NR6A1: variants seen among roughly 807,000 people sequenced by gnomAD.
The protein encoded by NR6A1 is retinoic acid receptor-related testis-associated receptor.
A neutral mutation model predicts 59.1 loss-of-function variants in NR6A1; 7 were observed. That is an observed-to-expected ratio of 0.12 (90% CI 0.07 to 0.22). NR6A1 has a LOEUF of 0.22. NR6A1 is among the 10% of genes least tolerant of loss of function. The pLI, the probability that NR6A1 is intolerant of heterozygous loss-of-function variation, is 1.00. For synonymous variants in NR6A1, 243 were observed against 236.1 expected (o/e 1.03, Z -0.27); for missense variants, 468 against 611.6 (o/e 0.77, Z 2.48).
chr9:124,756,189 A>T (rs1349752393), intron 1 of NR6A1, among the ~76,000 whole-genome samples: 1 of 152,240 alleles, frequency 6.6e-6, no homozygotes, highest in Non-Finnish European at 1.5e-5. Flanking sequence ...CTATAAATTT[A>T]ACTCAAGACA....
chr9:124,666,275 C>CTTTTTTTTTTTT (rs922378385), intron 2 of NR6A1, among the ~76,000 whole-genome samples: 19 of 103,046 alleles, frequency 1.8e-4, no homozygotes, highest in African/African-American at 7.0e-4. Flanking sequence ...CTATGTGGTT[C>CTTTTTTTTTTTT]TTTTTTTTTT....
chr9:124,538,624 T>A (rs1040663404), intron 5 of NR6A1, among the ~76,000 whole-genome samples: 1 of 152,176 alleles, frequency 6.6e-6, no homozygotes. Context: ...GACAGTTTTT[T>A]AACAGATACT....
In NR6A1 at chr9:124,521,388, C is replaced by T. The variant is rs1832798917; in HGVS notation, c.*1317G>A. ...CCTTCCAGGTGCTTCTGGCTCCAGC[C>T]CTCCAGGCCTTGGCTGGCCAGTCCA... On this transcript the variant is annotated 3_prime_UTR_variant, in exon 10 of 10. Transcript: ENST00000487099. 6.6e-6 allele frequency: 1 copy of T among 152,450 alleles called. No homozygotes were observed. The highest frequency in any genetic ancestry group is 1.5e-5 in the Non-Finnish European group (1 of 68,262). 9.4% of individuals were successfully genotyped at this position (152,450 alleles called of 1,614,324 possible). A position where few individuals can be genotyped will look rare whatever the true frequency, so the allele number is the denominator to read the frequency against.
At chr9:124,714,518 T>C (rs533976483) in intron 2 of NR6A1, among the ~76,000 whole-genome samples, 27 of 152,334 alleles carry the variant, frequency 1.8e-4, no homozygotes, top group African/African-American at 6.5e-4. Flanking sequence ...ACTCTCACCA[T>C]TTCTATCTAT....
intron 1 of NR6A1, among the ~76,000 whole-genome samples, chr9:124,742,388 C>A (rs990115962): frequency 5.3e-5 from 8 of 151,682 alleles, no homozygotes; most frequent in African/African-American, 1.5e-4. Flanking sequence ...ATGGAGAAAC[C>A]CCGTCTCTAC....
intron 1 of NR6A1, among the ~76,000 whole-genome samples, chr9:124,768,722 A>C (rs1181378157): frequency 6.6e-6 from 1 of 152,262 alleles, no homozygotes; most frequent in African/African-American, 2.4e-5. Context: ...TCTGATTAAG[A>C]GTTAAAATTA....
intron 2 of NR6A1, among the ~76,000 whole-genome samples, chr9:124,573,967 C>T (rs1834521476): frequency 6.6e-6 from 1 of 152,130 alleles, no homozygotes; most frequent in Non-Finnish European, 1.5e-5. Flanking sequence ...GACATTTTTA[C>T]TCTATTTTCT....
chr9:124,697,402 AG>A (rs1447054470), intron 2 of NR6A1, among the ~76,000 whole-genome samples: 2 of 152,132 alleles, frequency 1.3e-5, no homozygotes, highest in East Asian at 3.9e-4. Context: ...GATAAAAGTA[AG>A]GTACTATGAG....
chr9:124,650,234 A>G (rs1006628068), intron 2 of NR6A1, among the ~76,000 whole-genome samples: 12 of 152,372 alleles, frequency 7.9e-5, no homozygotes, highest in African/African-American at 2.6e-4. Context: ...TAAAATGTGC[A>G]TAAGTACACA....
intron 2 of NR6A1, among the ~76,000 whole-genome samples, chr9:124,603,381 T>C (rs965291132): frequency 1.3e-5 from 2 of 152,200 alleles, no homozygotes; most frequent in African/African-American, 2.4e-5. Context: ...TTTCTAACTC[T>C]TTCATCTTAC....
intron 2 of NR6A1, among the ~76,000 whole-genome samples, chr9:124,623,735 G>C (rs1323542422): frequency 1.3e-5 from 2 of 152,124 alleles, no homozygotes; most frequent in South Asian, 2.1e-4. Flanking sequence ...AGGGAAGCCT[G>C]TTTTAGCTGT....
intron 2 of NR6A1, among the ~76,000 whole-genome samples, chr9:124,645,404 C>G (rs1836901688): frequency 6.6e-6 from 1 of 152,178 alleles, no homozygotes; most frequent in African/African-American, 2.4e-5. Flanking sequence ...AAGAAACCTA[C>G]TTTAAGTAGA....
At position 124,520,916 on chromosome 9, in the gene NR6A1, C is replaced by T. The variant is rs1393849683; in HGVS notation, c.*1789G>A. On this transcript the variant is annotated 3_prime_UTR_variant, in exon 10 of 10. Transcript: ENST00000487099. The stretch of plus-strand genomic sequence containing the variant: ...GGAGTAATGTTCCGAGTTTTAGATC[C>T]ATCAAGGGCCAAAATCATCACTCTG... 3.3e-5 allele frequency: 5 copies of T among 152,220 alleles called. No homozygotes were observed. The highest frequency in any genetic ancestry group is 1.2e-4 in the African/African-American group (5 of 41,448). The allele number at this position is 152,220 out of a possible 1,614,324, so 9.4% of individuals were successfully genotyped here. A position where few individuals can be genotyped will look rare whatever the true frequency, so the allele number is the denominator to read the frequency against.
intron 2 of NR6A1, among the ~76,000 whole-genome samples, chr9:124,711,229 C>T (rs1185375243): frequency 6.8e-6 from 1 of 148,100 alleles, no homozygotes; most frequent in Non-Finnish European, 1.5e-5. Flanking sequence ...GGCATCTTTG[C>T]CATAACCAAG....
At chr9:124,568,131 G>A (rs1269326954) in intron 2 of NR6A1, among the ~76,000 whole-genome samples, 4 of 119,412 alleles carry the variant, frequency 3.3e-5, no homozygotes, top group Admixed American at 1.2e-4. Context: ...CTGAGATGGC[G>A]CCACTGCACT....
intron 8 of NR6A1, among the ~76,000 whole-genome samples, chr9:124,525,880 C>T (rs534867188): frequency 2.6e-5 from 4 of 152,320 alleles, no homozygotes; most frequent in African/African-American, 9.6e-5. Context: ...AGAATGTATA[C>T]TTCTTGAGAC....
At chr9:124,728,931 A>T (rs898206577) in intron 2 of NR6A1, among the ~76,000 whole-genome samples, 5 of 152,178 alleles carry the variant, frequency 3.3e-5, no homozygotes, top group Admixed American at 1.3e-4. Flanking sequence ...TTTGGGTTAA[A>T]CTGGACTCAT....
At chr9:124,522,983 G>C (rs1407933967) in intron 9 of NR6A1, among the ~76,000 whole-genome samples, 190 bp from the exon 10 acceptor site, 4 of 152,150 alleles carry the variant, frequency 2.6e-5, no homozygotes, top group Non-Finnish European at 4.4e-5. Flanking sequence ...TGGGTGCCCA[G>C]GGAGCCTAGT....
At chr9:124,729,811 A>ATTT (rs536599510) in intron 2 of NR6A1, among the ~76,000 whole-genome samples, 1 of 140,028 alleles carries the variant, frequency 7.1e-6, no homozygotes. Context: ...ATTTTGTCTA[A>ATTT]TTTTTTTTTT....
Sources: allele counts gnomAD v4.1 joint callset (sites outside exome capture counted in the v4.1 genomes callset), GRCh38; gene constraint gnomAD v4.1.1; transcripts MANE v1.5; gene names NCBI Gene and HGNC (gene_info 2026-07-23, HGNC 2026-07-21).